Variants in ERBB4 observed in about 807,000 individuals in gnomAD.
The protein encoded by ERBB4 is receptor tyrosine-protein kinase erbB-4.
ERBB4 carries 42 observed loss-of-function variants against 158.0 expected under a neutral mutation model. That is an observed-to-expected ratio of 0.27 (90% CI 0.21 to 0.34). ERBB4 has a LOEUF of 0.34. Among genes scored for constraint, ERBB4 ranks in the 10% least tolerant of loss-of-function variants. ERBB4 has a pLI of 1.00. For missense variants in ERBB4, 1,333 were observed against 1,624.1 expected (o/e 0.82, Z 3.08); for synonymous variants, 583 against 558.7 (o/e 1.04, Z -0.61).
At chr2:212,163,981 T>G (rs1369396057) in intron 1 of ERBB4, among the ~76,000 whole-genome samples, 1 of 151,968 alleles carries the variant, frequency 6.6e-6, no homozygotes, top group Non-Finnish European at 1.5e-5. Flanking sequence ...TTTTATTTTT[T>G]GTAAAGATGG....
intron 20 of ERBB4, among the ~76,000 whole-genome samples, chr2:211,448,342 A>T (rs2064162046): frequency 6.6e-6 from 1 of 152,114 alleles, no homozygotes; most frequent in Admixed American, 6.6e-5. Flanking sequence ...CAGCTTGAAG[A>T]AGGTGAATCT....
chr2:211,658,076 TC>T, intron 15 of ERBB4: 2 of 1,004,728 alleles, frequency 2.0e-6, no homozygotes, highest in Non-Finnish European at 1.5e-6. Flanking sequence ...ATTGATTGTC[TC>T]GAATTCTTAT....
chr2:212,152,092 AG>A (rs1301500974), intron 1 of ERBB4, among the ~76,000 whole-genome samples: 1 of 152,164 alleles, frequency 6.6e-6, no homozygotes, highest in Non-Finnish European at 1.5e-5. Flanking sequence ...CATATTTAAT[AG>A]ATCATAAGGC....
intron 5 of ERBB4, among the ~76,000 whole-genome samples, chr2:211,741,452 T>TACACAC (rs5838279): frequency 0.091 from 12,967 of 143,162 alleles, 697 homozygotes; most frequent in Middle Eastern, 0.15. Context: ...TATGTAGTTA[T>TACACAC]ACACACACAC....
intron 1 of ERBB4, chr2:212,426,147 T>C (rs2091906638): frequency 2.6e-6 from 1 of 379,216 alleles, no homozygotes; most frequent in South Asian, 2.2e-5. Flanking sequence ...TTGTCATTGT[T>C]CTCTACTTTT....
chr2:211,753,751 A>AAT (rs147569138), intron 4 of ERBB4, among the ~76,000 whole-genome samples: 4,291 of 147,792 alleles, frequency 0.029, 212 homozygotes, highest in African/African-American at 0.1. Context: ...ATATATATTT[A>AAT]ATATATATAT....
chr2:212,478,252 C>T (rs1403242583), intron 1 of ERBB4, among the ~76,000 whole-genome samples: 1 of 152,024 alleles, frequency 6.6e-6, no homozygotes, highest in East Asian at 1.9e-4. Flanking sequence ...AATTACAGAG[C>T]TTGTACCAGG....
chr2:212,081,273 A>T (rs2078434620), intron 2 of ERBB4, among the ~76,000 whole-genome samples: 1 of 152,144 alleles, frequency 6.6e-6, no homozygotes, highest in South Asian at 2.1e-4. Context: ...ATTGTAAGAG[A>T]TGAAATGAAA....
At chr2:212,091,884 CT>C (rs981916267) in intron 2 of ERBB4, among the ~76,000 whole-genome samples, 19 of 151,890 alleles carry the variant, frequency 1.3e-4, no homozygotes, top group African/African-American at 3.1e-4. Context: ...AAATTTATTA[CT>C]TTTTTTTATT....
intron 1 of ERBB4, among the ~76,000 whole-genome samples, chr2:212,158,095 T>C (rs1427725188): frequency 6.6e-6 from 1 of 152,050 alleles, no homozygotes; most frequent in African/African-American, 2.4e-5. Flanking sequence ...CTAAGTGTTT[T>C]GCATTTGTCT....
At chr2:212,006,777 G>C (rs1362261548) in intron 2 of ERBB4, among the ~76,000 whole-genome samples, 1 of 151,844 alleles carries the variant, frequency 6.6e-6, no homozygotes, top group Non-Finnish European at 1.5e-5. Context: ...AGTCTTCTAG[G>C]CTTACGTATC....
At chr2:212,251,772 G>C (rs575137037) in intron 1 of ERBB4, among the ~76,000 whole-genome samples, 1 of 152,114 alleles carries the variant, frequency 6.6e-6, no homozygotes, top group South Asian at 2.1e-4. Flanking sequence ...AAAGGTGACA[G>C]GTGGTCAGAC....
At chr2:211,483,685 G>A (rs961114647) in intron 20 of ERBB4, among the ~76,000 whole-genome samples, 12 of 152,096 alleles carry the variant, frequency 7.9e-5, no homozygotes, top group African/African-American at 2.9e-4. Context: ...CTGAGTAGCT[G>A]AGATTACAGG....
chr2:212,066,009 A>G (rs2077936596), intron 2 of ERBB4, among the ~76,000 whole-genome samples: 1 of 152,034 alleles, frequency 6.6e-6, no homozygotes, highest in African/African-American at 2.4e-5. Context: ...GTTAAATATC[A>G]TGCCAGAAAA....
chr2:211,407,804 A>G (rs907656672), intron 25 of ERBB4, among the ~76,000 whole-genome samples: 1 of 152,212 alleles, frequency 6.6e-6, no homozygotes, highest in Non-Finnish European at 1.5e-5. Context: ...TGGGCAGGTG[A>G]GCGAGGAAAG....
chr2:212,010,318 C>A (rs1478725030), intron 2 of ERBB4, among the ~76,000 whole-genome samples: 5 of 152,100 alleles, frequency 3.3e-5, no homozygotes, highest in Non-Finnish European at 7.4e-5. Flanking sequence ...GTGGTCTAAA[C>A]ATAATCACCA....
intron 1 of ERBB4, among the ~76,000 whole-genome samples, chr2:212,267,549 T>C (rs1001969618): frequency 2.0e-5 from 3 of 151,296 alleles, no homozygotes; most frequent in African/African-American, 7.3e-5. Flanking sequence ...TGGTTTACAT[T>C]AATAAAATAC....
chr2:212,073,045 A>G (rs1575597292), intron 2 of ERBB4, among the ~76,000 whole-genome samples: 2 of 151,950 alleles, frequency 1.3e-5, no homozygotes, highest in Non-Finnish European at 2.9e-5. Flanking sequence ...TGATTAGACA[A>G]AAGTAGGAAA....
intron 9 of ERBB4, among the ~76,000 whole-genome samples, chr2:211,710,959 C>G (rs1349235961): frequency 6.6e-6 from 1 of 151,690 alleles, no homozygotes; most frequent in East Asian, 1.9e-4. Context: ...CTACCCAGTT[C>G]CAACAAATTG....
Sources: gnomAD v4.1 joint callset for allele counts (sites outside exome capture counted in the v4.1 genomes callset) on GRCh38, gnomAD v4.1.1 for gene constraint, MANE v1.5 for transcripts, NCBI Gene and HGNC (gene_info 2026-07-23, HGNC 2026-07-21) for gene names.